TTC28: variants seen among roughly 807,000 people sequenced by gnomAD.
The protein encoded by TTC28 is tetratricopeptide repeat protein 28.
TTC28 carries 61 observed loss-of-function variants against 198.0 expected under a neutral mutation model. The observed-to-expected ratio is 0.31, with a 90% CI of 0.25 to 0.38. The LOEUF (loss-of-function observed/expected upper bound fraction) is 0.38. Among genes scored for constraint, TTC28 ranks in the 10% least tolerant of loss-of-function variants. TTC28 has a pLI of 1.00. For synonymous variants in TTC28, 1,171 were observed against 1,297.8 expected (o/e 0.90, Z 2.10); for missense variants, 2,678 against 3,164.0 (o/e 0.85, Z 3.69).
chr22:28,064,972 T>C (rs1281191536), intron 12 of TTC28, among the ~76,000 whole-genome samples: 1 of 152,192 alleles, frequency 6.6e-6, no homozygotes, highest in Non-Finnish European at 1.5e-5. Context: ...AGTTAATGAG[T>C]ATATGCACAT....
chr22:28,678,405 C>CAT (rs1569096108), intron 1 of TTC28, among the ~76,000 whole-genome samples: 2 of 152,068 alleles, frequency 1.3e-5, no homozygotes. Context: ...GAACGAGTCT[C>CAT]GCTATGTTTC....
At chr22:28,516,145 C>CA (rs771403698) in intron 2 of TTC28, among the ~76,000 whole-genome samples, 293 of 99,622 alleles carry the variant, frequency 2.9e-3, no homozygotes, top group African/African-American at 4.2e-3. Context: ...AACTCCATCT[C>CA]AAAAAAAAAA....
At chr22:28,438,587 G>GA (rs1322100935) in intron 2 of TTC28, among the ~76,000 whole-genome samples, 2 of 152,126 alleles carry the variant, frequency 1.3e-5, no homozygotes, top group African/African-American at 2.4e-5. Flanking sequence ...GATGAGCAAT[G>GA]AAAAAATCCA....
chr22:28,419,868 G>A (rs2047221587), intron 2 of TTC28, among the ~76,000 whole-genome samples: 1 of 152,144 alleles, frequency 6.6e-6, no homozygotes, highest in Admixed American at 6.6e-5. Context: ...ATGAGACTAA[G>A]ACTCACTGCT....
At chr22:28,570,028 G>C (rs2050037081) in intron 2 of TTC28, among the ~76,000 whole-genome samples, 1 of 152,152 alleles carries the variant, frequency 6.6e-6, no homozygotes, top group African/African-American at 2.4e-5. Flanking sequence ...AGTCAGAATG[G>C]CTATTATTAA....
chr22:28,509,201 A>T (rs1412095514), intron 2 of TTC28, among the ~76,000 whole-genome samples: 1 of 152,108 alleles, frequency 6.6e-6, no homozygotes, highest in African/African-American at 2.4e-5. Context: ...CAAAAAAAAA[A>T]AAAAAAATAC....
chr22:28,146,408 C>A (rs1340706725), intron 6 of TTC28, among the ~76,000 whole-genome samples: 1 of 152,214 alleles, frequency 6.6e-6, no homozygotes, highest in Non-Finnish European at 1.5e-5. Context: ...CGAACTGACA[C>A]AAAGAGGATG....
intron 1 of TTC28, among the ~76,000 whole-genome samples, chr22:28,658,605 T>C (rs1353501420): frequency 6.6e-6 from 1 of 152,198 alleles, no homozygotes; most frequent in Non-Finnish European, 1.5e-5. Flanking sequence ...TAGAGATGGA[T>C]AATGGTGATA....
chr22:28,070,440 A>G (rs1160409030), intron 12 of TTC28, among the ~76,000 whole-genome samples: 1 of 152,168 alleles, frequency 6.6e-6, no homozygotes, highest in Non-Finnish European at 1.5e-5. Context: ...AACAACCCCA[A>G]AGAAATTTCT....
At chr22:28,058,828 G>C (rs186000364) in intron 12 of TTC28, among the ~76,000 whole-genome samples, 2 of 151,964 alleles carry the variant, frequency 1.3e-5, no homozygotes, top group East Asian at 3.9e-4. Context: ...ATTAGTTTTG[G>C]TAAAAGGAAT....
At chr22:28,334,620 T>C (rs1320754238) in intron 2 of TTC28, among the ~76,000 whole-genome samples, 1 of 152,274 alleles carries the variant, frequency 6.6e-6, no homozygotes, top group Non-Finnish European at 1.5e-5. Flanking sequence ...GAGCATTTTT[T>C]CATGTGTCTT....
intron 1 of TTC28, among the ~76,000 whole-genome samples, chr22:28,653,503 TAAA>T (rs112597005): frequency 7.2e-6 from 1 of 138,718 alleles, no homozygotes. Context: ...GACCTTGTCT[TAAA>T]AAAAAAAAAA....
intron 2 of TTC28, among the ~76,000 whole-genome samples, chr22:28,523,835 G>T (rs934217064): frequency 3.3e-5 from 5 of 152,080 alleles, no homozygotes; most frequent in Admixed American, 3.3e-4. Context: ...AATAGCAGTG[G>T]CAATAATAAT....
At chr22:28,431,747 G>A (rs2047432626) in intron 2 of TTC28, among the ~76,000 whole-genome samples, 1 of 152,168 alleles carries the variant, frequency 6.6e-6, no homozygotes, top group African/African-American at 2.4e-5. Context: ...GGAGGCCAAG[G>A]CAGGCATATC....
intron 2 of TTC28, among the ~76,000 whole-genome samples, chr22:28,569,829 T>C (rs2050033616): frequency 6.6e-6 from 1 of 152,118 alleles, no homozygotes; most frequent in Admixed American, 6.5e-5. Context: ...TGGCCTAATG[T>C]CTAAGATCTA....
Position 28,029,455 on chromosome 22 carries a change from G to C in TTC28, c.4073+771C>G, listed in dbSNP as rs1355521333. Among the ~76,000 whole-genome samples the C allele has an allele frequency of 4.6e-5, 7 of 152,290 alleles. No individual in the cohort carries two copies. In the South Asian group the frequency reaches 1.5e-3, roughly 32 times the overall value. ...AGGGTCAACCAGCTGCCCTTTAAAGGCAGGCCTTCAGGCTGTGGCAGGGAC... is the reference window on the plus strand; with the variant it reads ...AGGGTCAACCAGCTGCCCTTTAAAGCCAGGCCTTCAGGCTGTGGCAGGGAC... On this transcript the variant is annotated intron_variant, in intron 13 of 22. Transcript: ENST00000397906.
chr22:28,199,383 TTATATATATATATATATA>T (rs34398046), intron 5 of TTC28, among the ~76,000 whole-genome samples: 38 of 118,500 alleles, frequency 3.2e-4, no homozygotes, highest in East Asian at 5.0e-4. Flanking sequence ...ACATTAAAAA[TTATATATATATATATATA>T]TATATATATA....
At chr22:28,510,985 C>T (rs2048680158) in intron 2 of TTC28, among the ~76,000 whole-genome samples, 1 of 152,064 alleles carries the variant, frequency 6.6e-6, no homozygotes, top group Admixed American at 6.6e-5. Flanking sequence ...AACTACAAAT[C>T]ACTGCTCAAA....
rs188186877 is a variant in TTC28 at position 28,508,569 on chromosome 22, G to C, written c.381+120983C>G. Among the ~76,000 whole-genome samples, 25 of 152,180 alleles carry C rather than the reference G, an allele frequency of 1.6e-4. No homozygotes were observed. In the East Asian group the frequency reaches 4.9e-3, roughly 30 times the overall value. ...CAAAGTGCTGGGATTACAGGCGTGA[G>C]CCACCATGCCCAGCCCACAAAACAC... is the stretch of plus-strand genomic sequence containing the variant. On this transcript the variant is annotated intron_variant, in intron 2 of 22. Coordinates refer to ENST00000397906, the MANE Select transcript of TTC28 (RefSeq NM_001145418.2).
Sources: gnomAD v4.1 joint callset for allele counts (sites outside exome capture counted in the v4.1 genomes callset) on GRCh38, gnomAD v4.1.1 for gene constraint, MANE v1.5 for transcripts, NCBI Gene and HGNC (gene_info 2026-07-23, HGNC 2026-07-21) for gene names.